ROBO1: variants seen among roughly 807,000 people sequenced by gnomAD.
ROBO1 encodes roundabout guidance receptor 1.
Under a neutral mutation model 195.9 loss-of-function variants are expected in ROBO1, and 149 were observed. The ratio of observed to expected loss-of-function variants is 0.76; its 90% CI spans 0.67 to 0.87. The LOEUF (loss-of-function observed/expected upper bound fraction) is 0.87, where lower values mean the gene tolerates loss of function less well. Among genes scored for constraint, ROBO1 ranks in the 40% least tolerant of loss-of-function variants. The probability of loss-of-function intolerance (pLI) is 0.00; values close to 1 mark genes in which losing one functional copy is unlikely to be tolerated. For synonymous variants in ROBO1, 816 were observed against 733.2 expected (o/e 1.11, Z -1.82); for missense variants, 1,933 against 2,068.3 (o/e 0.93, Z 1.27).
chr3:79,236,799 G>A (rs1003232961), intron 2 of ROBO1, among the ~76,000 whole-genome samples: 6 of 152,136 alleles, frequency 3.9e-5, no homozygotes, highest in Admixed American at 1.3e-4. Flanking sequence ...AAGATAGTGA[G>A]CATACAGTTT....
At chr3:79,330,609 GTATT>G (rs1179016709) in intron 2 of ROBO1, among the ~76,000 whole-genome samples, 1 of 133,278 alleles carries the variant, frequency 7.5e-6, no homozygotes, top group African/African-American at 2.8e-5. Flanking sequence ...ACAGACATGA[GTATT>G]TGTGACAAAG....
At chr3:78,738,379 TTAAA>T (rs1365193297) in intron 5 of ROBO1, among the ~76,000 whole-genome samples, 2 of 152,196 alleles carry the variant, frequency 1.3e-5, no homozygotes, top group Non-Finnish European at 2.9e-5. Context: ...ATGGGAAGCG[TTAAA>T]TAGTTATTTT....
intron 3 of ROBO1, among the ~76,000 whole-genome samples, chr3:79,097,416 T>C (rs773678227): frequency 6.6e-6 from 1 of 151,790 alleles, no homozygotes; most frequent in Non-Finnish European, 1.5e-5. Context: ...GGAAGTGTGC[T>C]TTGTTTCAAG....
At chr3:78,942,410 G>A (rs141511373) in intron 3 of ROBO1, among the ~76,000 whole-genome samples, 1 of 152,194 alleles carries the variant, frequency 6.6e-6, no homozygotes, top group East Asian at 1.9e-4. Context: ...ACAGAGTCTA[G>A]CCACTTACAA....
chr3:79,155,433 T>C (rs2080841800), intron 2 of ROBO1, among the ~76,000 whole-genome samples: 1 of 151,712 alleles, frequency 6.6e-6, no homozygotes, highest in Admixed American at 6.6e-5. Context: ...AAAGAAAAAC[T>C]TTTTCCAAAA....
chr3:79,140,982 A>C (rs572771543), intron 2 of ROBO1, among the ~76,000 whole-genome samples: 75 of 152,294 alleles, frequency 4.9e-4, no homozygotes, highest in Admixed American at 1.4e-3. Flanking sequence ...AGATGAATTC[A>C]CTGAATTTTA....
rs1704191705 is a variant in ROBO1 at position 78,617,643 on chromosome 3, T to C, written c.4274A>G (p.Asp1425Gly). The change falls in exon 27 of 31, where the codon GAT becomes GGT. Residue 1425 changes from aspartate to glycine, a missense_variant. Physicochemically the swap from Asp to Gly is moderately conservative, Grantham distance 94 (BLOSUM62 -1). Around this residue, in one of 3 missense-constraint regions of ROBO1, gnomAD observed 1,737 missense variants for 1,882.5 expected, o/e 0.92. Coordinates refer to ENST00000464233, the MANE Select transcript of ROBO1 (RefSeq NM_002941.4). ...GLKVARRQMQ[D>G]AAGRRHFHAS... ...AAAGTGTTAGGACTCACCAGCAGCA[T>C]CCTGCATTTGCCGTCGTGCTACTTT... is the stretch of plus-strand genomic sequence containing the variant. 1 of 1,609,770 alleles carries C rather than the reference T, an allele frequency of 6.2e-7. No homozygotes were observed. The highest frequency in any genetic ancestry group is 8.5e-7 in the Non-Finnish European group (1 of 1,177,714).
chr3:79,153,525 C>T (rs113789512), intron 2 of ROBO1, among the ~76,000 whole-genome samples: 246 of 151,606 alleles, frequency 1.6e-3, no homozygotes, highest in African/African-American at 5.5e-3. Flanking sequence ...GAATCCAGAG[C>T]TCACATTTTT....
chr3:79,377,674 C>T (rs1317278760), intron 2 of ROBO1, among the ~76,000 whole-genome samples: 1 of 152,098 alleles, frequency 6.6e-6, no homozygotes, highest in Non-Finnish European at 1.5e-5. Flanking sequence ...CGTAATTCAT[C>T]AGAGTTTGCA....
intron 10 of ROBO1, among the ~76,000 whole-genome samples, chr3:78,681,802 T>C (rs1431186574): frequency 6.6e-6 from 1 of 152,122 alleles, no homozygotes; most frequent in Non-Finnish European, 1.5e-5. Flanking sequence ...CTCGAGAGGC[T>C]GAGGCAGGAG....
At chr3:79,436,983 T>C (rs1575824142) in intron 2 of ROBO1, among the ~76,000 whole-genome samples, 1 of 152,218 alleles carries the variant, frequency 6.6e-6, no homozygotes, top group East Asian at 1.9e-4. Flanking sequence ...TGAATTTTCT[T>C]ATTCTGGATT....
chr3:79,231,667 A>C (rs559293399), intron 2 of ROBO1, among the ~76,000 whole-genome samples: 37 of 152,262 alleles, frequency 2.4e-4, no homozygotes, highest in Non-Finnish European at 4.1e-4. Context: ...TTCCTCAAAG[A>C]CCTAAAGACA....
intron 4 of ROBO1, among the ~76,000 whole-genome samples, chr3:78,926,687 G>A (rs1363953218): frequency 3.9e-5 from 6 of 152,126 alleles, no homozygotes; most frequent in African/African-American, 1.2e-4. Context: ...GAGTGAATCA[G>A]GACAAAATTG....
chr3:78,773,603 A>C (rs540644591), intron 4 of ROBO1, among the ~76,000 whole-genome samples: 1 of 152,306 alleles, frequency 6.6e-6, no homozygotes. Flanking sequence ...ATCATACATT[A>C]ATATTCCATA....
At chr3:78,604,784 T>C (rs1442694983) in intron 29 of ROBO1, among the ~76,000 whole-genome samples, 1 of 152,168 alleles carries the variant, frequency 6.6e-6, no homozygotes, top group African/African-American at 2.4e-5. Context: ...CTTACCACAA[T>C]ATATCTATTA....
intron 1 of ROBO1, among the ~76,000 whole-genome samples, chr3:79,624,676 C>T (rs1945113932): frequency 6.6e-6 from 1 of 152,046 alleles, no homozygotes; most frequent in African/African-American, 2.4e-5. Context: ...GCACCCAATA[C>T]AGGACCACCC....
In ROBO1 at chr3:79,451,509, G is replaced by A. The variant is rs1250242258; in HGVS notation, c.88+138315C>T. On this transcript the variant is annotated intron_variant, in intron 2 of 30. Coordinates refer to ENST00000464233, the MANE Select transcript of ROBO1 (RefSeq NM_002941.4). ...CTGGTAAAGTTATATAAAGCACTCT[G>A]GTAATAATAAGTTAAATTAATTATG... is the stretch of plus-strand genomic sequence containing the variant. 2.0e-5 allele frequency among the ~76,000 whole-genome samples: 3 copies of A among 151,978 alleles called. No individual in the cohort carries two copies. The East Asian group carries it at 5.8e-4, about 29-fold the overall frequency.
intron 29 of ROBO1, among the ~76,000 whole-genome samples, chr3:78,604,043 T>C (rs1277166417): frequency 5.3e-5 from 8 of 152,018 alleles, no homozygotes; most frequent in Admixed American, 5.2e-4. Context: ...CACCTACTTT[T>C]TAATTTTTTA....
chr3:79,035,997 C>A (rs567105734), intron 3 of ROBO1, among the ~76,000 whole-genome samples: 3 of 152,026 alleles, frequency 2.0e-5, no homozygotes, highest in Admixed American at 1.3e-4. Flanking sequence ...TATTAAATAT[C>A]TTCTTTAAAA....
Sources: gnomAD v4.1 joint callset for allele counts (sites outside exome capture counted in the v4.1 genomes callset) on GRCh38, gnomAD v4.1.1 for gene constraint, gnomAD v4.1.1 regional missense constraint, MANE v1.5 for transcripts, NCBI Gene and HGNC (gene_info 2026-07-23, HGNC 2026-07-21) for gene names.